Variants in CLYBL observed in about 807,000 individuals in gnomAD.
CLYBL encodes citramalyl-CoA lyase, also known as citramalyl-CoA lyase, mitochondrial.
In CLYBL, 31 loss-of-function variants were observed where a neutral mutation model predicts 38.9. The ratio of observed to expected loss-of-function variants is 0.80; its 90% CI spans 0.60 to 1.08. CLYBL has a LOEUF of 1.08. Among genes scored for constraint, CLYBL ranks in the 50% least tolerant of loss-of-function variants. CLYBL has a pLI of 0.00. For missense variants in CLYBL, 434 were observed against 411.6 expected (o/e 1.05, Z -0.47); for synonymous variants, 171 against 158.6 (o/e 1.08, Z -0.59).
At chr13:99,621,028 A>G (rs1038981104) in intron 1 of CLYBL, among the ~76,000 whole-genome samples, 4 of 152,136 alleles carry the variant, frequency 2.6e-5, no homozygotes, top group African/African-American at 9.7e-5. Flanking sequence ...ATCAGTGTCT[A>G]CTTGTCCTGC....
intron 2 of CLYBL, among the ~76,000 whole-genome samples, chr13:99,857,399 T>C (rs1033473038): frequency 4.6e-5 from 7 of 152,306 alleles, no homozygotes; most frequent in African/African-American, 1.7e-4. Flanking sequence ...ATCTATGGAA[T>C]AAAACAAAGG....
chr13:99,871,902 A>G (rs1240490263), intron 7 of CLYBL, among the ~76,000 whole-genome samples: 1 of 152,116 alleles, frequency 6.6e-6, no homozygotes, highest in African/African-American at 2.4e-5. Context: ...CAGAAGGAGT[A>G]AAGTTTTGAT....
intron 2 of CLYBL, among the ~76,000 whole-genome samples, chr13:99,820,456 CTGTT>C (rs1310013976): frequency 6.6e-6 from 1 of 152,124 alleles, no homozygotes; most frequent in East Asian, 1.9e-4. Flanking sequence ...TCCATATACT[CTGTT>C]TGCCTACCTC....
intron 1 of CLYBL, among the ~76,000 whole-genome samples, chr13:99,609,429 C>T (rs980110821): frequency 6.6e-6 from 1 of 152,154 alleles, no homozygotes; most frequent in Non-Finnish European, 1.5e-5. Context: ...CCTGCCTTGG[C>T]CTCCCAAAGT....
chr13:99,703,536 ATTTT>A (rs1470709611), intron 1 of CLYBL, among the ~76,000 whole-genome samples: 1 of 151,872 alleles, frequency 6.6e-6, no homozygotes, highest in Admixed American at 6.6e-5. Context: ...TGCCCAGCTA[ATTTT>A]TTGTATTTTT....
intron 2 of CLYBL, among the ~76,000 whole-genome samples, chr13:99,813,068 A>G (rs926630838): frequency 4.6e-5 from 7 of 152,198 alleles, no homozygotes; most frequent in African/African-American, 1.7e-4. Context: ...TTAATCTGGA[A>G]TAGTTAGAAA....
At chr13:99,712,247 A>G (rs2048245766) in intron 1 of CLYBL, among the ~76,000 whole-genome samples, 2 of 152,044 alleles carry the variant, frequency 1.3e-5, no homozygotes, top group Non-Finnish European at 2.9e-5. Flanking sequence ...TGCCAAGGAA[A>G]GCAGTGTTCA....
intron 1 of CLYBL, among the ~76,000 whole-genome samples, chr13:99,633,826 C>T (rs553040554): frequency 2.2e-4 from 33 of 152,038 alleles, no homozygotes; most frequent in African/African-American, 6.8e-4. Flanking sequence ...ATAGATCAAT[C>T]GTATGTACTC....
intron 1 of CLYBL, among the ~76,000 whole-genome samples, chr13:99,692,177 C>G (rs115528626): frequency 5.3e-4 from 81 of 152,278 alleles, no homozygotes; most frequent in African/African-American, 1.9e-3. Flanking sequence ...TATGCCAGCC[C>G]TGCCCCTTAG....
intron 1 of CLYBL, among the ~76,000 whole-genome samples, chr13:99,725,901 C>T (rs1171901340): frequency 2.0e-5 from 3 of 152,240 alleles, no homozygotes; most frequent in East Asian, 3.9e-4. Context: ...ACTGCACATG[C>T]GCACGAAGGC....
intron 2 of CLYBL, among the ~76,000 whole-genome samples, chr13:99,785,184 C>T (rs907773986): frequency 2.7e-5 from 4 of 148,164 alleles, no homozygotes; most frequent in African/African-American, 5.0e-5. Context: ...TGAGCCACCC[C>T]GCCTGGCTTT....
chr13:99,719,729 A>G (rs2048367962), intron 1 of CLYBL, among the ~76,000 whole-genome samples: 1 of 151,928 alleles, frequency 6.6e-6, no homozygotes, highest in Admixed American at 6.6e-5. Flanking sequence ...GCTGGTCTCA[A>G]ACTCCTGACC....
intron 2 of CLYBL, among the ~76,000 whole-genome samples, chr13:99,846,664 C>T (rs998573015): frequency 2.6e-5 from 4 of 152,190 alleles, no homozygotes; most frequent in Admixed American, 6.5e-5. Flanking sequence ...TGGCTTCTGC[C>T]GCTGGCTGAA....
intron 1 of CLYBL, among the ~76,000 whole-genome samples, chr13:99,621,690 G>A (rs2046799501): frequency 6.6e-6 from 1 of 152,136 alleles, no homozygotes; most frequent in Admixed American, 6.5e-5. Context: ...ATGTGACCTG[G>A]GATGACTTTG....
chr13:99,735,168 T>G (rs1013687141), intron 1 of CLYBL, among the ~76,000 whole-genome samples: 4 of 152,186 alleles, frequency 2.6e-5, no homozygotes, highest in African/African-American at 9.7e-5. Context: ...TGAATCTCTG[T>G]TTTAGCTTTT....
intron 2 of CLYBL, among the ~76,000 whole-genome samples, chr13:99,832,814 A>G (rs1462873951): frequency 1.3e-5 from 2 of 150,934 alleles, no homozygotes; most frequent in Non-Finnish European, 2.9e-5. Context: ...TGAATTTGGG[A>G]TATGTTATAT....
chr13:99,834,788 C>T (rs1423343747), intron 2 of CLYBL, among the ~76,000 whole-genome samples: 1 of 152,214 alleles, frequency 6.6e-6, no homozygotes, highest in Non-Finnish European at 1.5e-5. Flanking sequence ...TCACTTCTGT[C>T]CTCAACCCAG....
chr13:99,750,673 C>CA (rs374904118), intron 1 of CLYBL, among the ~76,000 whole-genome samples: 3,016 of 85,942 alleles, frequency 0.035, 72 homozygotes, highest in African/African-American at 0.1. Flanking sequence ...GACTCTGCCT[C>CA]AAAAAAAAAA....
At chr13:99,813,248 T>A (rs771646030) in intron 2 of CLYBL, among the ~76,000 whole-genome samples, 2 of 152,188 alleles carry the variant, frequency 1.3e-5, no homozygotes, top group Non-Finnish European at 2.9e-5. Flanking sequence ...AATAGAAATA[T>A]CCAGTGGAAT....
Sources: allele counts gnomAD v4.1 joint callset (sites outside exome capture counted in the v4.1 genomes callset), GRCh38; gene constraint gnomAD v4.1.1; transcripts MANE v1.5; gene names NCBI Gene and HGNC (gene_info 2026-07-23, HGNC 2026-07-21).